The following SSH2 variants were observed in gnomAD, a reference collection of about 807,000 sequenced individuals.
SSH2 encodes protein phosphatase Slingshot homolog 2.
Under a neutral mutation model 135.2 loss-of-function variants are expected in SSH2, and 37 were observed. The observed-to-expected ratio is 0.27, with a 90% confidence interval of 0.21 to 0.36. SSH2 has a LOEUF of 0.36. SSH2 is among the 10% of genes least tolerant of loss of function. The probability of loss-of-function intolerance (pLI) is 1.00; values close to 1 mark genes in which losing one functional copy is unlikely to be tolerated. For synonymous variants in SSH2, 628 were observed against 646.2 expected, an observed-to-expected ratio of 0.97 and a Z score of 0.43; for missense variants, 1,408 against 1,765.3, an observed-to-expected ratio of 0.80 and a Z score of 3.63.
At chr17:29,812,472 T>C (rs1450561065) in intron 2 of SSH2, among the ~76,000 whole-genome samples, 2 of 152,096 alleles carry the variant, frequency 1.3e-5, no homozygotes, top group East Asian at 3.9e-4. Context: ...TTTGTAGAGA[T>C]GACAGCTCAC....
intron 2 of SSH2, among the ~76,000 whole-genome samples, chr17:29,820,400 A>G (rs2042631771): frequency 6.6e-6 from 1 of 152,224 alleles, no homozygotes; most frequent in African/African-American, 2.4e-5. Context: ...CCATTCATTC[A>G]AGAGCTATCT....
chr17:29,638,840 C>T (rs2036028771), intron 14 of SSH2, among the ~76,000 whole-genome samples: 1 of 151,990 alleles, frequency 6.6e-6, no homozygotes. Context: ...AGCCACCAAG[C>T]CTGGCCTCTA....
At chr17:29,741,307 A>T (rs980422591) in intron 3 of SSH2, among the ~76,000 whole-genome samples, 2 of 152,192 alleles carry the variant, frequency 1.3e-5, no homozygotes, top group African/African-American at 4.8e-5. Context: ...AAGCCCTAGA[A>T]ATATGTATGT....
rs1044509972 is a variant in SSH2 at position 29,636,282 on chromosome 17, G to A, written c.1948C>T (p.Pro650Ser). 9 of 1,613,902 alleles carry A rather than the reference G, an allele frequency of 5.6e-6. No homozygotes were observed. The highest frequency in any genetic ancestry group is 7.6e-6 in the Non-Finnish European group (9 of 1,179,994). The change falls in exon 15 of 16, where the codon CCC becomes TCC. Residue 650 changes from proline (P) to serine (S), a missense_variant. Around this residue, in one of 3 missense-constraint regions of SSH2, gnomAD observed 1,080 missense variants for 1,144.5 expected, o/e 0.94. Transcript: ENST00000540801. ...GACTCAGGATCAGGGGACATGGGGG[G>A]GTCTTTCAGTGGAGATGTCAATTCT... Reference protein sequence around the residue: ...MEELTSPLKDPPMSPDPESPS... With the variant: ...MEELTSPLKDSPMSPDPESPS...
At chr17:29,750,063 T>C (rs1172847532) in intron 3 of SSH2, among the ~76,000 whole-genome samples, 1 of 151,964 alleles carries the variant, frequency 6.6e-6, no homozygotes, top group Non-Finnish European at 1.5e-5. Context: ...AATAACTTTA[T>C]CTTACAGTAA....
rs760134186 is a variant in SSH2, at chr17:29,631,655, G to T, written c.3539C>A (p.Pro1180His). The change falls in exon 16 of 16, where the codon CCC (proline) becomes CAC (histidine). Residue 1180 changes from proline (P) to histidine (H), a missense_variant. Around this residue, in one of 3 missense-constraint regions of SSH2, gnomAD observed 1,080 missense variants for 1,144.5 expected, o/e 0.94. Transcript: ENST00000540801. ...TTCCCAGCTAACCTGTTCTGCAGAG[G>T]GCTCATCTGTAGTGCTGCTCTGCTC... ...FTEQSSTTDE[P>H]SAEQVSWEES... is the part of the protein sequence containing the mutation. 5.0e-6 allele frequency: 8 copies of T among 1,614,044 alleles called. No individual in the cohort carries two copies. The African/African-American group carries it at 8.0e-5, about 16-fold the overall frequency.
In SSH2 at chr17:29,632,048, TTG is replaced by T; in HGVS notation, c.3144_3145del (p.Asn1049SerfsTer7). The stretch of plus-strand genomic sequence containing the variant: ...TATTTCACTCCCTGGCCCAGTGTGA[TTG>T]GGTGATGTAACTATGTGGGTATATT... On this transcript the variant is annotated frameshift_variant, in exon 16 of 16. Coordinates refer to ENST00000540801, the MANE Select transcript of SSH2 (RefSeq NM_001282129.2). LOFTEE classifies it high-confidence loss of function. 6.2e-7 allele frequency: 1 copy of T among 1,614,182 alleles called. No individual in the cohort carries two copies. The highest frequency in any genetic ancestry group is 8.5e-7 in the Non-Finnish European group (1 of 1,180,020).
chr17:29,800,065 G>A (rs142194860), intron 2 of SSH2, among the ~76,000 whole-genome samples: 159 of 152,230 alleles, frequency 1.0e-3, no homozygotes, highest in Middle Eastern at 3.4e-3. Context: ...TGCCAAAAGC[G>A]TAGAAAATTC....
intron 1 of SSH2, chr17:29,856,372 T>C (rs1315392926): frequency 4.9e-6 from 1 of 205,722 alleles, no homozygotes; most frequent in Non-Finnish European, 9.8e-6. Context: ...AGATACTGTA[T>C]GGTTGATAAG....
intron 3 of SSH2, among the ~76,000 whole-genome samples, chr17:29,738,585 G>A (rs74634370): frequency 1.4e-5 from 2 of 141,774 alleles, no homozygotes; most frequent in South Asian, 2.2e-4. Flanking sequence ...ACGGAGTCTC[G>A]CTCTGTTGCC....
chr17:29,636,262 A>G lies in SSH2; in HGVS notation c.1968T>C (p.Pro656=). 6.2e-7 allele frequency: 1 copy of G among 1,614,118 alleles called. No homozygotes were observed. The change falls in exon 15 of 16, where the codon CCT becomes CCC. Residue 656 remains proline (P), a synonymous_variant. Coordinates refer to ENST00000540801, the MANE Select transcript of SSH2 (RefSeq NM_001282129.2). The part of the protein sequence containing the change: ...PLKDPPMSPD[P]ESPSPQPSCQ... ...AACTGGGTTGGGGGCTTGGTGACTC[A>G]GGATCAGGGGACATGGGGGGGTCTT... is the stretch of plus-strand genomic sequence containing the variant.
At chr17:29,840,378 G>C (rs2043018948) in intron 2 of SSH2, among the ~76,000 whole-genome samples, 1 of 152,184 alleles carries the variant, frequency 6.6e-6, no homozygotes, top group South Asian at 2.1e-4. Context: ...CAGCACAGGA[G>C]AGCATGGTGT....
chr17:29,694,531 T>C (rs917204498), intron 5 of SSH2, among the ~76,000 whole-genome samples: 11 of 152,106 alleles, frequency 7.2e-5, no homozygotes, highest in African/African-American at 2.7e-4. Context: ...TAGCTGAGCA[T>C]GGTAGTGTGC....
At chr17:29,663,637 T>A (rs2037145915) in intron 11 of SSH2, among the ~76,000 whole-genome samples, 1 of 152,224 alleles carries the variant, frequency 6.6e-6, no homozygotes, top group African/African-American at 2.4e-5. Context: ...TACCTGAAGC[T>A]GAAGAGATTT....
intron 11 of SSH2, among the ~76,000 whole-genome samples, chr17:29,657,234 G>T (rs1314889247): frequency 3.4e-4 from 47 of 137,536 alleles, no homozygotes; most frequent in East Asian, 1.4e-3. Context: ...CCCAAAGTGC[G>T]GGGATTACAG....
chr17:29,852,638 G>GC (rs2065584252), intron 1 of SSH2, among the ~76,000 whole-genome samples: 2 of 151,160 alleles, frequency 1.3e-5, no homozygotes, highest in South Asian at 4.2e-4. Flanking sequence ...TGCAACCTCC[G>GC]CCTCCTGGGT....
rs1374016583 is a variant in SSH2, at chr17:29,657,416, C to T, written c.1033-1809G>A. ...ACCCGAGTAGCTGGGATTACAGGTGCCTGCCACCATGCCCAGCTAATTTTT... is the reference window on the plus strand; with the variant it reads ...ACCCGAGTAGCTGGGATTACAGGTGTCTGCCACCATGCCCAGCTAATTTTT... On this transcript the variant is annotated intron_variant, in intron 11 of 15. Transcript: ENST00000540801. Among the ~76,000 whole-genome samples, 8 of 147,698 alleles carry T rather than the reference C, an allele frequency of 5.4e-5. No homozygotes were observed. In the East Asian group the frequency reaches 1.6e-3, roughly 30 times the overall value.
intron 9 of SSH2, among the ~76,000 whole-genome samples, chr17:29,668,349 A>T (rs1310336914): frequency 1.3e-5 from 2 of 152,234 alleles, no homozygotes; most frequent in East Asian, 3.8e-4. Context: ...TCCTGTCTTA[A>T]CTAGGATTAA....
chr17:29,719,431 G>A (rs891286017), intron 3 of SSH2, among the ~76,000 whole-genome samples: 2 of 151,090 alleles, frequency 1.3e-5, no homozygotes, highest in African/African-American at 2.4e-5. Flanking sequence ...AGAATCACTT[G>A]AACCCGAGAG....
Sources: gnomAD v4.1 joint callset for allele counts (sites outside exome capture counted in the v4.1 genomes callset) on GRCh38, gnomAD v4.1.1 for gene constraint, gnomAD v4.1.1 regional missense constraint, MANE v1.5 for transcripts, NCBI Gene and HGNC (gene_info 2026-07-23, HGNC 2026-07-21) for gene names.